Variants in PLPPR4 observed in about 807,000 individuals in gnomAD.
PLPPR4 encodes phospholipid phosphatase related 4.
PLPPR4 carries 24 observed loss-of-function variants against 56.6 expected under a neutral mutation model. The ratio of observed to expected loss-of-function variants is 0.42; its 90% CI spans 0.31 to 0.60. The LOEUF (loss-of-function observed/expected upper bound fraction) is 0.60. PLPPR4 is among the 20% of genes least tolerant of loss of function. The pLI, the probability that PLPPR4 is intolerant of heterozygous loss-of-function variation, is 0.13. For synonymous variants in PLPPR4, 326 were observed against 328.1 expected (o/e 0.99, Z 0.07); for missense variants, 654 against 885.8 (o/e 0.74, Z 3.32).
chr1:99,292,709 G>A (rs1334806605), intron 2 of PLPPR4, among the ~76,000 whole-genome samples: 4 of 151,926 alleles, frequency 2.6e-5, no homozygotes, highest in Non-Finnish European at 5.9e-5. Context: ...ATTTGACTTT[G>A]CTGACATCAA....
At chr1:99,292,433 T>A (rs1230501188) in intron 2 of PLPPR4, among the ~76,000 whole-genome samples, 1 of 152,088 alleles carries the variant, frequency 6.6e-6, no homozygotes, top group African/African-American at 2.4e-5. Context: ...AAAGGGAAAA[T>A]ACACCATGGC....
chr1:99,289,395 G>C (rs752476713), intron 2 of PLPPR4, among the ~76,000 whole-genome samples: 3 of 151,976 alleles, frequency 2.0e-5, no homozygotes, highest in Non-Finnish European at 4.4e-5. Context: ...TAAATACATA[G>C]TGTATAAAAT....
At chr1:99,298,166 T>C (rs1659790149) in intron 3 of PLPPR4, among the ~76,000 whole-genome samples, 1 of 152,088 alleles carries the variant, frequency 6.6e-6, no homozygotes, top group Admixed American at 6.6e-5. Context: ...GACTGAAGAA[T>C]TACCCTGGTC....
chr1:99,278,804 G>C (rs898016234), intron 1 of PLPPR4, among the ~76,000 whole-genome samples: 2 of 152,124 alleles, frequency 1.3e-5, no homozygotes, highest in East Asian at 3.9e-4. Context: ...GAGCTGTAAA[G>C]ATGTAGTTTC....
intron 1 of PLPPR4, among the ~76,000 whole-genome samples, chr1:99,277,164 T>C (rs1212727775): frequency 6.6e-6 from 1 of 152,174 alleles, no homozygotes; most frequent in East Asian, 1.9e-4. Context: ...CACTTTCCCA[T>C]CTTGGTAGCC....
At chr1:99,274,081 A>G (rs1164497845) in intron 1 of PLPPR4, among the ~76,000 whole-genome samples, 1 of 152,130 alleles carries the variant, frequency 6.6e-6, no homozygotes, top group African/African-American at 2.4e-5. Context: ...ATTTTCATAG[A>G]AAGTTATTTT....
intron 1 of PLPPR4, among the ~76,000 whole-genome samples, chr1:99,270,356 G>A (rs1659025355): frequency 1.3e-5 from 2 of 152,134 alleles, no homozygotes; most frequent in Admixed American, 1.3e-4. Context: ...CTTTGAATGT[G>A]TACTTAGCAG....
chr1:99,306,031 C>T lies in PLPPR4; in HGVS notation c.1169C>T (p.Ser390Phe), dbSNP rs554767420. Residue 390 changes from serine to phenylalanine, a missense_variant, in exon 7 of 7, where the codon TCT (serine) becomes TTT (phenylalanine). Ser to Phe is a radical substitution (Grantham distance 155, BLOSUM62 -2). Coordinates refer to ENST00000370185, the MANE Select transcript of PLPPR4 (RefSeq NM_014839.5). This position sits in a 1 kb window ranked among gnomAD's most constrained non-coding sequence, Gnocchi z 4.0. ...PVRRNASIHA[S>F]MDSARSKQLL... ...AGAAGAAATGCGAGCATTCATGCCT[C>T]TATGGATTCCGCTCGATCAAAGCAG... 2 of 1,614,162 alleles carry T rather than the reference C, an allele frequency of 1.2e-6. No homozygotes were observed. The highest frequency in any genetic ancestry group is 2.2e-5 in the South Asian group (2 of 91,076).
chr1:99,289,247 T>C (rs1227129506), intron 2 of PLPPR4, among the ~76,000 whole-genome samples: 1 of 152,162 alleles, frequency 6.6e-6, no homozygotes, highest in African/African-American at 2.4e-5. Context: ...CACATTCTAA[T>C]GAATTCGCCT....
At position 99,304,777 on chromosome 1, in the gene PLPPR4, C is replaced by T. The variant is rs139533340; in HGVS notation, c.823-908C>T. Among the ~76,000 whole-genome samples, 484 of 152,116 alleles carry T rather than the reference C, an allele frequency of 3.2e-3. 2 individuals are homozygous for T. Among genetic ancestry groups the T allele is most frequent in the African/African-American group, 0.011 (457 of 41,508 alleles). On this transcript the variant is annotated intron_variant, in intron 6 of 6. Coordinates refer to ENST00000370185, the MANE Select transcript of PLPPR4 (RefSeq NM_014839.5). ...AACTTGAATAGTAGACAGTGGTTAC[C>T]GCCTTTTGAAATTAGCACACAAACA...
chr1:99,306,093 A>C lies in PLPPR4; in HGVS notation c.1231A>C (p.Lys411Gln). ...TQWKNKNESRKLSLQVIEPEP... is the reference protein window; with the variant it reads ...TQWKNKNESRQLSLQVIEPEP... The stretch of plus-strand genomic sequence containing the variant: ...GTGGAAGAATAAGAATGAAAGTCGA[A>C]AGTTGTCCTTGCAAGTTATAGAGCC... Residue 411 changes from lysine (K) to glutamine (Q), a missense_variant, in exon 7 of 7, where the codon AAG becomes CAG. Transcript: ENST00000370185. The surrounding 1 kb of genome is among the most constrained non-coding windows in gnomAD (Gnocchi z 4.0). 6.2e-7 allele frequency: 1 copy of C among 1,614,144 alleles called. No individual in the cohort carries two copies. Among genetic ancestry groups the C allele is most frequent in the East Asian group, 2.2e-5 (1 of 44,856 alleles).
In PLPPR4 at chr1:99,264,611, G is replaced by T. The variant is rs771131107; in HGVS notation, c.18G>T (p.Arg6Ser). 3.9e-6 allele frequency: 6 copies of T among 1,550,804 alleles called. No homozygotes were observed. The highest frequency in any genetic ancestry group is 5.2e-6 in the Non-Finnish European group (6 of 1,147,018). MSAKE[R>S]PKGKVIKDSV... is the part of the protein sequence containing the mutation. Reference sequence around the variant, plus strand: ...CGGCAGGGATGTCGGCGAAGGAGAGGCCAAAGGGCAAAGTGATCAAGGACA... The same window carrying T: ...CGGCAGGGATGTCGGCGAAGGAGAGTCCAAAGGGCAAAGTGATCAAGGACA... Residue 6 changes from arginine (R) to serine (S), a missense_variant, in exon 1 of 7, where the codon AGG (arginine) becomes AGT (serine). Arg to Ser is a moderately radical substitution (Grantham distance 110). This residue lies in a region of PLPPR4 where 186 missense variants were observed against 331.4 expected (regional missense o/e 0.56). Coordinates refer to ENST00000370185, the MANE Select transcript of PLPPR4 (RefSeq NM_014839.5).
intron 2 of PLPPR4, among the ~76,000 whole-genome samples, chr1:99,290,180 C>T (rs1659580715): frequency 6.6e-6 from 1 of 152,070 alleles, no homozygotes; most frequent in Non-Finnish European, 1.5e-5. Context: ...CAAAAAAGAA[C>T]TCCCATTCAC....
At chr1:99,266,589 T>C (rs1401447715) in intron 1 of PLPPR4, among the ~76,000 whole-genome samples, 1 of 152,244 alleles carries the variant, frequency 6.6e-6, no homozygotes, top group Non-Finnish European at 1.5e-5. Flanking sequence ...TTCATTACTT[T>C]TACTTTGGCC....
chr1:99,292,591 G>C lies in PLPPR4; in HGVS notation c.265-4147G>C, dbSNP rs143338446. Among the ~76,000 whole-genome samples, 1,195 of 152,192 alleles carry C rather than the reference G, an allele frequency of 7.9e-3. 8 individuals carry two copies. Among genetic ancestry groups the C allele is most frequent in the Non-Finnish European group, 9.2e-3 (627 of 68,006 alleles). ...AAACTACGGGACTATTTACACTTCA[G>C]GATCCCTGATTTCCCTATATCACTT... On this transcript the variant is annotated intron_variant, in intron 2 of 6. Coordinates refer to ENST00000370185, the MANE Select transcript of PLPPR4 (RefSeq NM_014839.5).
intron 1 of PLPPR4, among the ~76,000 whole-genome samples, chr1:99,278,622 A>C (rs1659250109): frequency 6.6e-6 from 1 of 152,196 alleles, no homozygotes; most frequent in African/African-American, 2.4e-5. Flanking sequence ...CACATTCTTC[A>C]GTGTCTAATT....
chr1:99,269,976 C>T (rs1286195482), intron 1 of PLPPR4, among the ~76,000 whole-genome samples: 2 of 150,476 alleles, frequency 1.3e-5, no homozygotes, highest in African/African-American at 4.9e-5. Flanking sequence ...ATTAAGATTA[C>T]TCAGAAAGTT....
intron 1 of PLPPR4, among the ~76,000 whole-genome samples, chr1:99,276,215 A>G (rs2100788429): frequency 6.6e-6 from 1 of 152,248 alleles, no homozygotes; most frequent in South Asian, 2.1e-4. Flanking sequence ...GTGTATAAAG[A>G]TGTGTATGTA....
intron 4 of PLPPR4, 142 bp downstream of exon 4, chr1:99,299,372 C>T: frequency 1.5e-6 from 1 of 664,288 alleles, no homozygotes; most frequent in Non-Finnish European, 2.6e-6. Context: ...TCTTCAATTA[C>T]TAAACCATAG....
Sources: gnomAD v4.1 joint callset for allele counts (sites outside exome capture counted in the v4.1 genomes callset) on GRCh38, gnomAD v4.1.1 for gene constraint, gnomAD v4.1.1 regional missense constraint, Gnocchi (gnomAD v3.1) non-coding constraint, MANE v1.5 for transcripts, NCBI Gene and HGNC (gene_info 2026-07-23, HGNC 2026-07-21) for gene names.